YWHAE: variants seen among roughly 807,000 people sequenced by gnomAD.
YWHAE encodes the protein 14-3-3 protein epsilon.
YWHAE carries 4 observed loss-of-function variants against 30.1 expected under a neutral mutation model. That is an observed-to-expected ratio of 0.13 (90% CI 0.07 to 0.30). The LOEUF (loss-of-function observed/expected upper bound fraction) is 0.30, where lower values mean the gene tolerates loss of function less well. Ranked by LOEUF, YWHAE falls within the 10% of genes least tolerant of loss-of-function variation. The pLI, the probability that YWHAE is intolerant of heterozygous loss-of-function variation, is 1.00. For missense variants in YWHAE, 121 were observed against 315.9 expected (o/e 0.38, Z 4.68); for synonymous variants, 118 against 111.8 (o/e 1.06, Z -0.35).
At chr17:1,363,074 T>A (rs1213710026) in intron 2 of YWHAE, among the ~76,000 whole-genome samples, 1 of 152,112 alleles carries the variant, frequency 6.6e-6, no homozygotes, top group Non-Finnish European at 1.5e-5. Flanking sequence ...TGCAGCCATG[T>A]TCCATTCAAC....
At chr17:1,348,216 C>T (rs1418427003) in intron 5 of YWHAE, among the ~76,000 whole-genome samples, 1 of 152,160 alleles carries the variant, frequency 6.6e-6, no homozygotes, top group Non-Finnish European at 1.5e-5. Context: ...GAAAGACATA[C>T]AGATATTAGG....
At chr17:1,361,460 G>A (rs937256517) in intron 3 of YWHAE, among the ~76,000 whole-genome samples, 162 bp from the exon 4 acceptor site, 13 of 152,038 alleles carry the variant, frequency 8.6e-5, no homozygotes, top group Non-Finnish European at 1.9e-4. Context: ...GGAATAACTG[G>A]CTTCGTTTCA....
rs1253128667 is a variant in YWHAE, at chr17:1,351,912, C to T, written c.715+2299G>A. On this transcript the variant is annotated intron_variant, in intron 5 of 5. Coordinates refer to ENST00000264335, the MANE Select transcript of YWHAE (RefSeq NM_006761.5). ...AAGCAATTCTCCTGCCTCAGCCTTG[C>T]AAGTAGCTGAGATTACAGGCACATA... 3.9e-4 allele frequency among the ~76,000 whole-genome samples: 59 copies of T among 151,542 alleles called. 1 individual carries two copies. Among genetic ancestry groups the T allele is most frequent in the Non-Finnish European group, 5.9e-5 (4 of 67,942 alleles).
intron 4 of YWHAE, among the ~76,000 whole-genome samples, chr17:1,358,583 T>C (rs2072800249): frequency 1.3e-5 from 2 of 149,250 alleles, no homozygotes; most frequent in African/African-American, 4.9e-5. Context: ...CTCATGCCTG[T>C]AATCCCAGCA....
At chr17:1,349,498 T>G (rs1300746001) in intron 5 of YWHAE, among the ~76,000 whole-genome samples, 4 of 152,204 alleles carry the variant, frequency 2.6e-5, no homozygotes, top group Non-Finnish European at 5.9e-5. Context: ...CTGGAAGCAT[T>G]ATATAAATAA....
At chr17:1,361,470 ATTTTT>A (rs910707761) in intron 3 of YWHAE, among the ~76,000 whole-genome samples, 172 bp from the exon 4 acceptor site, 2 of 152,002 alleles carry the variant, frequency 1.3e-5, no homozygotes, top group South Asian at 4.1e-4. Flanking sequence ...GCTTCGTTTC[ATTTTT>A]TTCCTTAGAC....
chr17:1,346,818 C>A (rs1249398262), intron 5 of YWHAE, among the ~76,000 whole-genome samples: 2 of 151,374 alleles, frequency 1.3e-5, no homozygotes, highest in Non-Finnish European at 2.9e-5. Flanking sequence ...ATCCCCATCT[C>A]TACTGAAAAA....
chr17:1,363,936 G>C (rs2072903104), intron 2 of YWHAE, among the ~76,000 whole-genome samples: 1 of 152,128 alleles, frequency 6.6e-6, no homozygotes, highest in Non-Finnish European at 1.5e-5. Flanking sequence ...AGAATGGTTA[G>C]CAGCACCCCA....
intron 4 of YWHAE, among the ~76,000 whole-genome samples, chr17:1,355,165 TTTTTTTTG>T (rs1567958187): frequency 1.2e-4 from 4 of 34,078 alleles, no homozygotes; most frequent in East Asian, 7.2e-4. Flanking sequence ...TTTTTTTTTT[TTTTTTTTG>T]GGGGACGGGG....
intron 4 of YWHAE, among the ~76,000 whole-genome samples, chr17:1,357,826 C>G (rs1006709448): frequency 6.6e-6 from 1 of 151,262 alleles, no homozygotes; most frequent in African/African-American, 2.4e-5. Flanking sequence ...ACCTGGGAGG[C>G]TGAAGCAGGA....
At chr17:1,370,313 A>G (rs1445121830) in intron 1 of YWHAE, among the ~76,000 whole-genome samples, 1 of 150,838 alleles carries the variant, frequency 6.6e-6, no homozygotes, top group Non-Finnish European at 1.5e-5. Context: ...GTGTATTTTT[A>G]GTAGAGGCGG....
Position 1,400,115 on chromosome 17 carries a change from G to A in YWHAE, c.-5C>T, listed in dbSNP as rs1456833892. On this transcript the variant is annotated 5_prime_UTR_variant, in exon 1 of 6. Coordinates refer to ENST00000264335, the MANE Select transcript of YWHAE (RefSeq NM_006761.5). ...CAGATCCTCTCGATCATCCATAGCG[G>A]CAGCGGCTCCGGCAGGGTCTGCGCG... is the stretch of plus-strand genomic sequence containing the variant. 6.2e-7 allele frequency: 1 copy of A among 1,614,114 alleles called. No homozygotes were observed. Among genetic ancestry groups the A allele is most frequent in the Non-Finnish European group, 8.5e-7 (1 of 1,180,018 alleles).
At chr17:1,396,157 G>C (rs2073468487) in intron 1 of YWHAE, among the ~76,000 whole-genome samples, 1 of 151,086 alleles carries the variant, frequency 6.6e-6, no homozygotes, top group African/African-American at 2.4e-5. Flanking sequence ...CGGTGGCTCA[G>C]GTCCTTAATG....
intron 1 of YWHAE, among the ~76,000 whole-genome samples, chr17:1,370,307 A>AT (rs776208717): frequency 4.4e-4 from 66 of 150,796 alleles, no homozygotes; most frequent in Non-Finnish European, 8.0e-4. Context: ...TTTTGTGTGT[A>AT]TTTTTAGTAG....
intron 1 of YWHAE, among the ~76,000 whole-genome samples, chr17:1,382,375 ACT>A (rs1411252357): frequency 1.0e-5 from 1 of 98,202 alleles, no homozygotes; most frequent in African/African-American, 4.1e-5. Context: ...ATGGAGTCTC[ACT>A]CTGTTGACCA....
At chr17:1,390,666 T>C (rs543069230) in intron 1 of YWHAE, among the ~76,000 whole-genome samples, 1 of 152,230 alleles carries the variant, frequency 6.6e-6, no homozygotes, top group Admixed American at 6.5e-5. Flanking sequence ...ATTTACCACA[T>C]CTGCCAAATG....
chr17:1,344,291 C>T lies in YWHAE; in HGVS notation c.*1156G>A, dbSNP rs141457423. ...TACACCTTGTACTACTCATGTTGTA[C>T]TTTAATGATTAAAATAAATACCATG... is the stretch of plus-strand genomic sequence containing the variant. On this transcript the variant is annotated 3_prime_UTR_variant, in exon 6 of 6. Coordinates refer to ENST00000264335, the MANE Select transcript of YWHAE (RefSeq NM_006761.5). 379 of 156,498 alleles carry T rather than the reference C, an allele frequency of 2.4e-3. 1 individual carries two copies. The highest frequency in any genetic ancestry group is 8.4e-3 in the African/African-American group (348 of 41,658). 9.7% of individuals were successfully genotyped at this position (156,498 alleles called of 1,614,324 possible). A position where few individuals can be genotyped will look rare whatever the true frequency, so the allele number is the denominator to read the frequency against.
chr17:1,356,507 A>G (rs1286354521), intron 4 of YWHAE, among the ~76,000 whole-genome samples: 1 of 152,266 alleles, frequency 6.6e-6, no homozygotes, highest in Non-Finnish European at 1.5e-5. Context: ...AAGCAGAAGC[A>G]TGAGCAAAGG....
chr17:1,375,586 C>G lies in YWHAE; in HGVS notation c.65-10528G>C, dbSNP rs2073109713. Among the ~76,000 whole-genome samples the G allele has an allele frequency of 1.3e-5, 2 of 152,280 alleles. 1 individual carries two copies. The highest frequency in any genetic ancestry group is 4.1e-4 in the South Asian group (2 of 4,828). ...GAGTAACAAAATCGAATTTCTGGGA[C>G]TTTTCATGGTTTGGGGACAAGGGTG... On this transcript the variant is annotated intron_variant, in intron 1 of 5. Coordinates refer to ENST00000264335, the MANE Select transcript of YWHAE (RefSeq NM_006761.5).
Sources: gnomAD v4.1 joint callset for allele counts (sites outside exome capture counted in the v4.1 genomes callset) on GRCh38, gnomAD v4.1.1 for gene constraint, MANE v1.5 for transcripts, NCBI Gene and HGNC (gene_info 2026-07-23, HGNC 2026-07-21) for gene names.